RASA2: variants seen among roughly 807,000 people sequenced by gnomAD.
RASA2 encodes the protein RAS p21 protein activator 2.
In RASA2, 155 loss-of-function variants were observed where a neutral mutation model predicts 118.2. The observed-to-expected ratio is 1.31, with a 90% CI of 1.15 to 1.50. The LOEUF is 1.50. Among genes scored for constraint, RASA2 ranks in the 40% most tolerant of loss-of-function variants. RASA2 has a pLI of 0.00. For synonymous variants in RASA2, 353 were observed against 349.1 expected (o/e 1.01, Z -0.12); for missense variants, 1,016 against 1,009.6 (o/e 1.01, Z -0.09).
chr3:141,529,772 A>AC lies in RASA2; in HGVS notation c.421dup (p.Gln141ProfsTer4). 1 of 1,611,692 alleles carries AC rather than the reference A, an allele frequency of 6.2e-7. No homozygotes were observed. The highest frequency in any genetic ancestry group is 8.5e-7 in the Non-Finnish European group (1 of 1,178,112). Reference sequence around the variant, plus strand: ...GTGGCAAAGAAACTTGGTTTTCATTACAGCCTGTTGACTCCAATTCAGAGG... The same window carrying AC: ...GTGGCAAAGAAACTTGGTTTTCATTACCAGCCTGTTGACTCCAATTCAGAGG... On this transcript the variant is annotated frameshift_variant, in exon 4 of 24. Coordinates refer to ENST00000286364, the MANE Select transcript of RASA2 (RefSeq NM_006506.5). LOFTEE classifies it high-confidence loss of function.
chr3:141,543,284 C>T (rs1047939956), intron 5 of RASA2, among the ~76,000 whole-genome samples: 2 of 151,902 alleles, frequency 1.3e-5, no homozygotes, highest in African/African-American at 4.8e-5. Flanking sequence ...CAACATTTTA[C>T]CAATTAGAAT....
chr3:141,580,584 A>AC, intron 16 of RASA2, 133 bp downstream of exon 16: 1 of 601,964 alleles, frequency 1.7e-6, no homozygotes, highest in Non-Finnish European at 2.8e-6. Flanking sequence ...ACACAGACAC[A>AC]ATAGCTGTCT....
At chr3:141,517,820 A>AT (rs906381963) in intron 3 of RASA2, among the ~76,000 whole-genome samples, 1 of 151,460 alleles carries the variant, frequency 6.6e-6, no homozygotes, top group African/African-American at 2.4e-5. Flanking sequence ...CGCCCGACTA[A>AT]TTTTTTTTGT....
chr3:141,607,560 A>T (rs565041888), intron 19 of RASA2, 118 bp from the exon 20 acceptor site: 1 of 1,051,122 alleles, frequency 9.5e-7, no homozygotes. Context: ...AGTCTTCTGT[A>T]GGTTATTTAC....
At chr3:141,609,621 T>A in intron 22 of RASA2, 98 bp downstream of exon 22, 1 of 973,406 alleles carries the variant, frequency 1.0e-6, no homozygotes, top group Non-Finnish European at 1.5e-6. Flanking sequence ...TACTCATAGA[T>A]TTACCAAAAT....
chr3:141,570,333 G>C (rs1385875993), intron 9 of RASA2, among the ~76,000 whole-genome samples: 1 of 151,708 alleles, frequency 6.6e-6, no homozygotes, highest in African/African-American at 2.4e-5. Flanking sequence ...TGATTCTCCT[G>C]CCTCAGCCTC....
intron 4 of RASA2, among the ~76,000 whole-genome samples, chr3:141,530,995 G>T (rs139626217): frequency 7.4e-4 from 112 of 152,186 alleles, no homozygotes; most frequent in Middle Eastern, 3.4e-3. Flanking sequence ...AAAAGTTGCT[G>T]TGTTCGATTC....
chr3:141,495,384 T>G (rs1221870521), intron 1 of RASA2, among the ~76,000 whole-genome samples: 1 of 152,160 alleles, frequency 6.6e-6, no homozygotes, highest in East Asian at 1.9e-4. Flanking sequence ...ATGTCCAGAT[T>G]ATATAAATAA....
In RASA2 at chr3:141,577,047, C is replaced by T. The variant is rs866223197; in HGVS notation, c.1531C>T (p.Arg511Cys). 14 of 1,611,670 alleles carry T rather than the reference C, an allele frequency of 8.7e-6. No individual in the cohort carries two copies. Among genetic ancestry groups the T allele is most frequent in the African/African-American group, 1.3e-5 (1 of 74,806 alleles). Residue 511 changes from arginine to cysteine, a missense_variant, in exon 15 of 24, where the codon CGT becomes TGT. Arg to Cys is a radical substitution (Grantham distance 180). Transcript: ENST00000286364. Reference protein sequence around the residue: ...YSAVSSFVFLRFFAVAVVSPH... With the variant: ...YSAVSSFVFLCFFAVAVVSPH... ...TGCAGTGAGCAGCTTTGTATTTCTT[C>T]GTTTCTTTGCTGTAGCCGTAGTATC...
intron 18 of RASA2, 128 bp downstream of exon 18, chr3:141,586,226 T>C: frequency 1.3e-6 from 1 of 789,440 alleles, no homozygotes; most frequent in Non-Finnish European, 1.9e-6. Flanking sequence ...AAATTAGCAG[T>C]CAGGTAAGTC....
chr3:141,494,622 C>T (rs1445882988), intron 1 of RASA2, among the ~76,000 whole-genome samples: 2 of 152,178 alleles, frequency 1.3e-5, no homozygotes, highest in Non-Finnish European at 2.9e-5. Context: ...CTGCTTCAGC[C>T]TCCCAAAGTG....
chr3:141,496,090 G>A (rs540576451), intron 1 of RASA2, among the ~76,000 whole-genome samples: 56 of 152,316 alleles, frequency 3.7e-4, no homozygotes, highest in East Asian at 9.6e-4. Context: ...GGAGTTAGCC[G>A]GTGCTGGGAA....
chr3:141,544,011 A>G (rs1021296074), intron 5 of RASA2, among the ~76,000 whole-genome samples: 5 of 150,716 alleles, frequency 3.3e-5, no homozygotes, highest in African/African-American at 1.2e-4. Context: ...AAGTAGCTGG[A>G]ATTACAGGCA....
At chr3:141,603,674 G>A (rs186717607) in intron 19 of RASA2, among the ~76,000 whole-genome samples, 40 of 152,116 alleles carry the variant, frequency 2.6e-4, no homozygotes, top group African/African-American at 6.7e-4. Flanking sequence ...ATAGTGTTGC[G>A]CAATTGCCAC....
Position 141,540,615 on chromosome 3 carries a change from C to T in RASA2, c.527+6C>T, listed in dbSNP as rs772037659. On this transcript the variant is annotated splice_donor_region_variant and intron_variant, in intron 5 of 23. Coordinates refer to ENST00000286364, the MANE Select transcript of RASA2 (RefSeq NM_006506.5). The stretch of plus-strand genomic sequence containing the variant: ...TGCCAGCAGCTTGTTGTACAGTAAG[C>T]ATTTTTTTTAACCAAAATCAACTAG... 1 of 1,601,144 alleles carries T rather than the reference C, an allele frequency of 6.2e-7. No homozygotes were observed. Among genetic ancestry groups the T allele is most frequent in the South Asian group, 1.1e-5 (1 of 89,604 alleles).
intron 9 of RASA2, 59 bp downstream of exon 9, chr3:141,560,054 T>C: frequency 7.5e-7 from 1 of 1,332,702 alleles, no homozygotes; most frequent in Non-Finnish European, 1.1e-6. Flanking sequence ...ACAGTATATA[T>C]ATGCAAATAA....
Position 141,502,699 on chromosome 3 carries a change from A to T in RASA2, c.134-9464A>T, listed in dbSNP as rs777776278. Among the ~76,000 whole-genome samples, 82 of 152,216 alleles carry T rather than the reference A, an allele frequency of 5.4e-4. 3 individuals are homozygous for T. Among genetic ancestry groups the T allele is most frequent in the Non-Finnish European group, 1.8e-4 (12 of 68,032 alleles). ...AGTCAATGAAAAATCTGTGTAATAC[A>T]TGTATTAATTTATTCAGTAAGTGGT... is the stretch of plus-strand genomic sequence containing the variant. On this transcript the variant is annotated intron_variant, in intron 1 of 23. Coordinates refer to ENST00000286364, the MANE Select transcript of RASA2 (RefSeq NM_006506.5).
chr3:141,531,010 G>A (rs1381826494), intron 4 of RASA2, among the ~76,000 whole-genome samples: 1 of 152,044 alleles, frequency 6.6e-6, no homozygotes, highest in Non-Finnish European at 1.5e-5. Context: ...CGATTCATAT[G>A]GTTGTGAGAA....
chr3:141,504,095 A>C (rs1476292501), intron 1 of RASA2, among the ~76,000 whole-genome samples: 4 of 152,224 alleles, frequency 2.6e-5, no homozygotes. Context: ...GGATGGTGCT[A>C]AGAATTGGTC....
Sources: allele counts gnomAD v4.1 joint callset (sites outside exome capture counted in the v4.1 genomes callset), GRCh38; gene constraint gnomAD v4.1.1; transcripts MANE v1.5; gene names NCBI Gene and HGNC (gene_info 2026-07-23, HGNC 2026-07-21).